ZNRF1: variants seen among roughly 807,000 people sequenced by gnomAD.
ZNRF1 encodes E3 ubiquitin-protein ligase ZNRF1.
A neutral mutation model predicts 18.4 loss-of-function variants in ZNRF1; 3 were observed. That is an observed-to-expected ratio of 0.16 (90% CI 0.07 to 0.42). ZNRF1 has a LOEUF of 0.42. Among genes scored for constraint, ZNRF1 ranks in the 10% least tolerant of loss-of-function variants. ZNRF1 has a pLI of 0.99. For missense variants in ZNRF1, 310 were observed against 329.8 expected, an observed-to-expected ratio of 0.94 and a Z score of 0.47; for synonymous variants, 157 against 144.2, an observed-to-expected ratio of 1.09 and a Z score of -0.64.
chr16:75,073,185 T>C (rs190600160), intron 1 of ZNRF1, among the ~76,000 whole-genome samples: 129 of 151,956 alleles, frequency 8.5e-4, no homozygotes, highest in East Asian at 2.9e-3. Flanking sequence ...TATATATATA[T>C]ACACACATAG....
chr16:75,015,861 C>T (rs1383653587), intron 1 of ZNRF1, among the ~76,000 whole-genome samples: 1 of 152,006 alleles, frequency 6.6e-6, no homozygotes, highest in African/African-American at 2.4e-5. Flanking sequence ...AACCAGCTCT[C>T]TCAGCAGCAT....
chr16:75,099,864 A>T (rs2036236556), intron 2 of ZNRF1, among the ~76,000 whole-genome samples: 1 of 152,204 alleles, frequency 6.6e-6, no homozygotes. Context: ...GGCAAGCATC[A>T]GCTTCAGCCA....
rs377382516 is a variant in ZNRF1, at chr16:75,064,225, C to T, written c.425-29347C>T. 5.3e-5 allele frequency among the ~76,000 whole-genome samples: 8 copies of T among 152,008 alleles called. No homozygotes were observed. In the South Asian group the frequency reaches 1.3e-3, roughly 24 times the overall value. On this transcript the variant is annotated intron_variant, in intron 1 of 4. Transcript: ENST00000335325. The stretch of plus-strand genomic sequence containing the variant: ...CTGAGTTGGGAGGATCAGTTGAGCC[C>T]GGGAGGTGGAGGTTGCGGTGAGCCA...
At chr16:75,066,352 G>A (rs1254511409) in intron 1 of ZNRF1, among the ~76,000 whole-genome samples, 4 of 152,152 alleles carry the variant, frequency 2.6e-5, no homozygotes, top group Non-Finnish European at 5.9e-5. Context: ...TAGACCAAAG[G>A]AGGGGAAGAC....
chr16:75,075,103 TG>T (rs2035922482), intron 1 of ZNRF1, among the ~76,000 whole-genome samples: 1 of 14,016 alleles, frequency 7.1e-5, no homozygotes, highest in African/African-American at 3.0e-4. Context: ...TGGGGGTGGG[TG>T]GGAGGGAGTA....
chr16:75,019,037 G>A (rs564485376), intron 1 of ZNRF1, among the ~76,000 whole-genome samples: 85 of 152,156 alleles, frequency 5.6e-4, no homozygotes, highest in Non-Finnish European at 4.4e-5. Flanking sequence ...GTGGTGGCGC[G>A]TGACTGTAAT....
Position 75,106,337 on chromosome 16 carries a change from C to G in ZNRF1, c.627-145C>G, listed in dbSNP as rs2036315741. On this transcript the variant is annotated intron_variant, in intron 3 of 4. Transcript: ENST00000335325. ...TTCGTGCTTCAGAAAGTAGGGATAT[C>G]TGGGGACATGACTGTGTTTCCCTGG... 8 of 746,092 alleles carry G rather than the reference C, an allele frequency of 1.1e-5. No homozygotes were observed. The East Asian group carries it at 1.1e-4, about 10-fold the overall frequency. The allele number at this position is 746,092 out of a possible 1,614,324, so 46.2% of individuals were successfully genotyped here.
intron 1 of ZNRF1, among the ~76,000 whole-genome samples, chr16:75,022,721 T>C (rs538096809): frequency 1.3e-5 from 2 of 152,344 alleles, no homozygotes; most frequent in East Asian, 3.9e-4. Flanking sequence ...ACTGCTGTCA[T>C]TGGAACATTT....
At chr16:75,049,845 T>TTGTGTGTGTGTGTGTGTGTGTGTGTGTG (rs56377786) in intron 1 of ZNRF1, among the ~76,000 whole-genome samples, 5 of 149,386 alleles carry the variant, frequency 3.3e-5, no homozygotes, top group African/African-American at 9.9e-5. Flanking sequence ...ATGCACCCAT[T>TTGTGTGTGTGTGTGTGTGTGTGTGTGTG]TGTGTGTGTG....
intron 1 of ZNRF1, among the ~76,000 whole-genome samples, chr16:75,039,754 C>G (rs1026286381): frequency 6.6e-6 from 1 of 152,196 alleles, no homozygotes; most frequent in Non-Finnish European, 1.5e-5. Context: ...CCAGGTGATT[C>G]TTACGTGTGC....
chr16:75,063,226 A>C (rs1468942566), intron 1 of ZNRF1, among the ~76,000 whole-genome samples: 1 of 152,138 alleles, frequency 6.6e-6, no homozygotes, highest in Non-Finnish European at 1.5e-5. Flanking sequence ...GCCAGCAGCA[A>C]GCTGGGCGCT....
intron 1 of ZNRF1, among the ~76,000 whole-genome samples, chr16:75,030,795 C>G (rs1260315061): frequency 2.1e-5 from 3 of 145,980 alleles, no homozygotes; most frequent in African/African-American, 5.0e-5. Context: ...ATAATGTTTT[C>G]AAGGTTCACT....
chr16:75,093,789 T>A, intron 2 of ZNRF1, 122 bp downstream of exon 2: 1 of 696,072 alleles, frequency 1.4e-6, no homozygotes, highest in Admixed American at 2.3e-5. Flanking sequence ...CTCTGGCAGG[T>A]GTGCCTCAGT....
chr16:75,080,947 G>A (rs1329821844), intron 1 of ZNRF1, among the ~76,000 whole-genome samples: 1 of 152,112 alleles, frequency 6.6e-6, no homozygotes, highest in Non-Finnish European at 1.5e-5. Flanking sequence ...GCCAAGGTGG[G>A]CGGATCACCA....
At chr16:75,098,052 A>C (rs554364029) in intron 2 of ZNRF1, among the ~76,000 whole-genome samples, 33 of 152,288 alleles carry the variant, frequency 2.2e-4, no homozygotes, top group African/African-American at 7.9e-4. Flanking sequence ...CCATTGTTAG[A>C]TGCTGGATGG....
intron 1 of ZNRF1, among the ~76,000 whole-genome samples, chr16:75,048,308 C>T (rs1172251905): frequency 6.6e-6 from 1 of 152,138 alleles, no homozygotes. Context: ...CCCCGATGAC[C>T]TCATTTTTAC....
chr16:75,014,084 T>C (rs2035035377), intron 1 of ZNRF1, among the ~76,000 whole-genome samples: 1 of 152,146 alleles, frequency 6.6e-6, no homozygotes, highest in African/African-American at 2.4e-5. Flanking sequence ...ACCCGCCTTA[T>C]CTTCCCAAAG....
intron 2 of ZNRF1, among the ~76,000 whole-genome samples, chr16:75,096,626 C>G (rs1440018336): frequency 1.3e-5 from 2 of 152,124 alleles, no homozygotes; most frequent in Non-Finnish European, 2.9e-5. Context: ...TGGTCACTCC[C>G]CTGAAGACTT....
At chr16:75,106,351 G>C in intron 3 of ZNRF1, 131 bp from the exon 4 acceptor site, 1 of 838,144 alleles carries the variant, frequency 1.2e-6, no homozygotes, top group Non-Finnish European at 1.9e-6. Context: ...GGACATGACT[G>C]TGTTTCCCTG....
Sources: allele counts gnomAD v4.1 joint callset (sites outside exome capture counted in the v4.1 genomes callset), GRCh38; gene constraint gnomAD v4.1.1; transcripts MANE v1.5; gene names NCBI Gene and HGNC (gene_info 2026-07-23, HGNC 2026-07-21).